The following MLKL variants were observed in gnomAD, a reference collection of about 807,000 sequenced individuals.
The protein encoded by MLKL is mixed lineage kinase domain-like protein.
A neutral mutation model predicts 56.5 loss-of-function variants in MLKL; 55 were observed. The ratio of observed to expected loss-of-function variants is 0.97; its 90% CI spans 0.78 to 1.22. The LOEUF (loss-of-function observed/expected upper bound fraction) is 1.22. MLKL is among the 50% of genes most tolerant of loss of function. MLKL has a pLI of 0.00. For synonymous variants in MLKL, 251 were observed against 208.3 expected (o/e 1.20, Z -1.76); for missense variants, 694 against 573.9 (o/e 1.21, Z -2.14).
chr16:74,695,955 A>G (rs1347247215), intron 1 of MLKL, among the ~76,000 whole-genome samples, 196 bp from the exon 2 acceptor site: 1 of 152,230 alleles, frequency 6.6e-6, no homozygotes, highest in African/African-American at 2.4e-5. Flanking sequence ...GTAGCTGGGA[A>G]GAGCTGGTCC....
intron 1 of MLKL, among the ~76,000 whole-genome samples, chr16:74,697,836 A>G (rs575906527): frequency 6.6e-6 from 1 of 152,072 alleles, no homozygotes; most frequent in African/African-American, 2.4e-5. Context: ...AACAGGTGAA[A>G]AGTGAAGATG....
rs2144543394 is a variant in MLKL, at chr16:74,692,395, G to A, written c.482C>T (p.Ser161Leu). The A allele has an allele frequency of 6.2e-7, 1 of 1,613,498 alleles. No homozygotes were observed. Among genetic ancestry groups the A allele is most frequent in the East Asian group, 2.2e-5 (1 of 44,880 alleles). The change falls in exon 3 of 11, where the codon TCA (serine) becomes TTA (leucine). Residue 161 changes from serine (S) to leucine (L), a missense_variant. Transcript: ENST00000308807. ...CATGTTGATTTCTAATCGTCTCAGT[G>A]AAGCTTCTATTTTTTCATTATCTGC... The part of the protein sequence containing the change: ...LRRDNEKIEA[S>L]LRRLEINMKE...
In MLKL at chr16:74,677,152, A is replaced by G. The variant is rs945057165; in HGVS notation, c.1039-1388T>C. On this transcript the variant is annotated intron_variant, in intron 7 of 10. Transcript: ENST00000308807. ...ACTGCAAGTTCTGCCTCCTGGGTTC[A>G]TGCCATTCTCCTGCCTCAGCCTCCG... 1.2e-4 allele frequency: 18 copies of G among 152,350 alleles called. 2 individuals carry two copies. Among genetic ancestry groups the G allele is most frequent in the Admixed American group, 1.0e-3 (16 of 15,294 alleles). 9.4% of individuals were successfully genotyped at this position (152,350 alleles called of 1,614,324 possible). A position where few individuals can be genotyped will look rare whatever the true frequency, so the allele number is the denominator to read the frequency against.
chr16:74,690,781 CAAAAAAAAAAAA>C (rs58597472), intron 4 of MLKL, among the ~76,000 whole-genome samples: 1 of 49,906 alleles, frequency 2.0e-5, no homozygotes, highest in Non-Finnish European at 3.3e-5. Flanking sequence ...GACCTTGTCT[CAAAAAAAAAAAA>C]AAAAAAAAAA....
intron 5 of MLKL, among the ~76,000 whole-genome samples, chr16:74,683,016 TA>T (rs974802101): frequency 2.0e-5 from 3 of 149,492 alleles, no homozygotes; most frequent in Non-Finnish European, 3.0e-5. Context: ...AATTCTACCT[TA>T]AAAAAAAAAT....
chr16:74,690,738 C>G (rs1006217741), intron 4 of MLKL, among the ~76,000 whole-genome samples: 10 of 136,256 alleles, frequency 7.3e-5, no homozygotes, highest in Non-Finnish European at 1.4e-4. Context: ...GCTATGATCT[C>G]ACCACTGCAC....
intron 5 of MLKL, among the ~76,000 whole-genome samples, chr16:74,683,610 A>C (rs1003883191): frequency 3.3e-5 from 5 of 151,608 alleles, no homozygotes; most frequent in Non-Finnish European, 5.9e-5. Flanking sequence ...AAAAAAAAAA[A>C]ATTCTTTTTC....
In MLKL at chr16:74,685,009, T is replaced by A. The variant is rs564585212; in HGVS notation, c.820+477A>T. The stretch of plus-strand genomic sequence containing the variant: ...CCTCCCGAGTAGCTGGGACTACAGA[T>A]GCCTGCCACCAGACCCAGCTAATTT... On this transcript the variant is annotated intron_variant, in intron 5 of 10. Coordinates refer to ENST00000308807, the MANE Select transcript of MLKL (RefSeq NM_152649.4). 4.6e-5 allele frequency among the ~76,000 whole-genome samples: 7 copies of A among 152,218 alleles called. No individual in the cohort carries two copies. In the East Asian group the frequency reaches 1.4e-3, roughly 29 times the overall value.
chr16:74,684,956 C>A (rs540031783), intron 5 of MLKL, among the ~76,000 whole-genome samples: 1 of 151,974 alleles, frequency 6.6e-6, no homozygotes, highest in East Asian at 1.9e-4. Flanking sequence ...CCTCCGCTTC[C>A]CAGGTTCAAG....
chr16:74,697,817 G>GA (rs1489041554), intron 1 of MLKL, among the ~76,000 whole-genome samples: 1 of 151,834 alleles, frequency 6.6e-6, no homozygotes, highest in Non-Finnish European at 1.5e-5. Context: ...ACCCTGTCTC[G>GA]AAAAAACAAA....
In MLKL at chr16:74,673,570, G is replaced by C. The variant is rs544291431; in HGVS notation, c.1382-1032C>G. ...GAAAGTCTGGGAGATTTAGGTCTAG[G>C]GTATGAGAGAGAGATGCTTCCAGGG... is the stretch of plus-strand genomic sequence containing the variant. On this transcript the variant is annotated intron_variant, in intron 10 of 10. Coordinates refer to ENST00000308807, the MANE Select transcript of MLKL (RefSeq NM_152649.4). Among the ~76,000 whole-genome samples the C allele has an allele frequency of 6.6e-5, 10 of 151,980 alleles. No individual in the cohort carries two copies. The South Asian group carries it at 2.1e-3, about 32-fold the overall frequency.
intron 2 of MLKL, among the ~76,000 whole-genome samples, chr16:74,693,462 A>AG (rs1555534182): frequency 5.2e-5 from 5 of 95,514 alleles, no homozygotes; most frequent in African/African-American, 2.3e-4. Context: ...TCAAAAAAAA[A>AG]AAAAAAGAAA....
intron 2 of MLKL, 52 bp from the exon 3 acceptor site, chr16:74,692,468 C>T (rs1960733911): frequency 7.1e-7 from 1 of 1,415,894 alleles, no homozygotes; most frequent in African/African-American, 1.4e-5. Flanking sequence ...AAATCACACG[C>T]CAATCAAAAC....
chr16:74,693,401 G>A (rs534953800), intron 2 of MLKL, among the ~76,000 whole-genome samples: 3 of 139,968 alleles, frequency 2.1e-5, no homozygotes, highest in Non-Finnish European at 4.5e-5. Context: ...CCAGGAAGCA[G>A]AGGTTGCAGT....
intron 1 of MLKL, among the ~76,000 whole-genome samples, chr16:74,698,536 C>T (rs919132787): frequency 7.9e-5 from 12 of 152,182 alleles, no homozygotes; most frequent in Non-Finnish European, 1.2e-4. Flanking sequence ...GCTATTCCCA[C>T]GTGCTAAGCA....
At chr16:74,681,144 G>C (rs1393546433) in intron 6 of MLKL, among the ~76,000 whole-genome samples, 3 of 152,054 alleles carry the variant, frequency 2.0e-5, no homozygotes, top group African/African-American at 7.2e-5. Context: ...TGTCCCTCAA[G>C]CCTCCTGAGT....
intron 2 of MLKL, among the ~76,000 whole-genome samples, chr16:74,694,657 C>T (rs1227100106): frequency 6.6e-6 from 1 of 152,098 alleles, no homozygotes; most frequent in Admixed American, 6.6e-5. Flanking sequence ...ATAGTACCAG[C>T]CACTCGGGAG....
At chr16:74,688,780 A>T (rs1597501568) in intron 4 of MLKL, among the ~76,000 whole-genome samples, 1 of 152,360 alleles carries the variant, frequency 6.6e-6, no homozygotes, top group East Asian at 1.9e-4. Context: ...ATTCATAATA[A>T]TCAAAAAGTG....
chr16:74,689,377 A>C (rs922766967), intron 4 of MLKL, among the ~76,000 whole-genome samples: 26 of 152,236 alleles, frequency 1.7e-4, no homozygotes, highest in African/African-American at 5.1e-4. Context: ...TGGCCTCCCA[A>C]AGTGCTGGGA....
Sources: gnomAD v4.1 joint callset for allele counts (sites outside exome capture counted in the v4.1 genomes callset) on GRCh38, gnomAD v4.1.1 for gene constraint, MANE v1.5 for transcripts, NCBI Gene and HGNC (gene_info 2026-07-23, HGNC 2026-07-21) for gene names.